Variants in NECAP2 observed in about 807,000 individuals in gnomAD.
NECAP2 encodes adaptin ear-binding coat-associated protein 2.
In NECAP2, 38 loss-of-function variants were observed where a neutral mutation model predicts 37.8. The ratio of observed to expected loss-of-function variants is 1.01; its 90% confidence interval spans 0.78 to 1.32. The LOEUF (loss-of-function observed/expected upper bound fraction) is 1.32. NECAP2 is among the 40% of genes most tolerant of loss of function. NECAP2 has a pLI of 0.00. For synonymous variants in NECAP2, 121 were observed against 127.7 expected, an observed-to-expected ratio of 0.95 and a Z score of 0.35; for missense variants, 316 against 334.5, an observed-to-expected ratio of 0.94 and a Z score of 0.43.
intron 1 of NECAP2, among the ~76,000 whole-genome samples, chr1:16,442,606 G>C (rs1194299621): frequency 6.6e-6 from 1 of 152,188 alleles, no homozygotes; most frequent in Non-Finnish European, 1.5e-5. Flanking sequence ...CCTTTTCTTA[G>C]AACTAAAATG....
intron 2 of NECAP2, among the ~76,000 whole-genome samples, chr1:16,446,625 GCCT>G (rs2086767547): frequency 6.6e-6 from 1 of 151,756 alleles, no homozygotes; most frequent in East Asian, 1.9e-4. Flanking sequence ...GCTCACTGCA[GCCT>G]CCAACTCCTG....
chr1:16,450,410 C>T, intron 5 of NECAP2: 1 of 295,046 alleles, frequency 3.4e-6, no homozygotes, highest in Non-Finnish European at 6.7e-6. Flanking sequence ...CTAGAAATAA[C>T]TGGCACAGCT....
At chr1:16,443,795 G>A in intron 2 of NECAP2, 63 bp downstream of exon 2, 1 of 1,315,426 alleles carries the variant, frequency 7.6e-7, no homozygotes, top group Non-Finnish European at 1.1e-6. Context: ...AGGGAGAGGT[G>A]GCCTGGTCTG....
intron 2 of NECAP2, among the ~76,000 whole-genome samples, chr1:16,445,684 G>A (rs575155097): frequency 6.6e-6 from 1 of 152,088 alleles, no homozygotes; most frequent in Non-Finnish European, 1.5e-5. Context: ...CAGGTGGATC[G>A]CTTGAGCCCA....
chr1:16,452,940 G>A (rs1012918583), intron 6 of NECAP2, among the ~76,000 whole-genome samples: 5 of 152,118 alleles, frequency 3.3e-5, no homozygotes, highest in Non-Finnish European at 7.4e-5. Flanking sequence ...CTATCTGGAG[G>A]TCAAGCTTCA....
At chr1:16,441,924 CTG>C (rs894900303) in intron 1 of NECAP2, among the ~76,000 whole-genome samples, 2 of 151,230 alleles carry the variant, frequency 1.3e-5, no homozygotes, top group African/African-American at 4.9e-5. Flanking sequence ...TGTCATCAAA[CTG>C]TGGTTGGACC....
At chr1:16,455,094 A>C (rs1327722534) in intron 6 of NECAP2, among the ~76,000 whole-genome samples, 1 of 152,228 alleles carries the variant, frequency 6.6e-6, no homozygotes, top group Non-Finnish European at 1.5e-5. Context: ...TGAGGGCCCT[A>C]GTTTTATCTG....
intron 7 of NECAP2, among the ~76,000 whole-genome samples, chr1:16,456,899 G>C (rs1176639418): frequency 1.3e-5 from 2 of 152,012 alleles, no homozygotes; most frequent in African/African-American, 4.8e-5. Context: ...ACGGGGTTTT[G>C]CCATGTTGCG....
intron 7 of NECAP2, among the ~76,000 whole-genome samples, chr1:16,458,569 C>T (rs1411461294): frequency 1.3e-5 from 2 of 150,576 alleles, no homozygotes; most frequent in African/African-American, 4.9e-5. Flanking sequence ...CCAGCCTGGG[C>T]GACAGTGAGA....
chr1:16,444,056 G>A (rs928779731), intron 2 of NECAP2, among the ~76,000 whole-genome samples: 37 of 152,324 alleles, frequency 2.4e-4, no homozygotes, highest in African/African-American at 8.7e-4. Flanking sequence ...ACAGGCGGGT[G>A]AGGATGCACA....
chr1:16,448,509 G>T (rs1159061361), intron 4 of NECAP2, among the ~76,000 whole-genome samples: 1 of 152,160 alleles, frequency 6.6e-6, no homozygotes, highest in East Asian at 1.9e-4. Context: ...CTTTTCTGAA[G>T]CTAAGAGACA....
chr1:16,457,670 A>AATAGTGGT (rs1380794112), intron 7 of NECAP2, among the ~76,000 whole-genome samples: 1 of 151,420 alleles, frequency 6.6e-6, no homozygotes, highest in Non-Finnish European at 1.5e-5. Flanking sequence ...TTCTGTTTTT[A>AATAGTGGT]ATAGTGGTAT....
intron 6 of NECAP2, among the ~76,000 whole-genome samples, chr1:16,452,362 G>A (rs2086857863): frequency 6.6e-6 from 1 of 152,028 alleles, no homozygotes; most frequent in Non-Finnish European, 1.5e-5. Context: ...TGAGAGAGAT[G>A]AGTCACAGCA....
At chr1:16,442,282 A>G (rs377266176) in intron 1 of NECAP2, among the ~76,000 whole-genome samples, 82 of 151,860 alleles carry the variant, frequency 5.4e-4, no homozygotes, top group Non-Finnish European at 1.0e-3. Flanking sequence ...CCGGCCCCCT[A>G]TTGGGTCTTT....
intron 5 of NECAP2, chr1:16,451,512 G>A (rs1208874293): frequency 3.3e-6 from 1 of 304,788 alleles, no homozygotes; most frequent in African/African-American, 2.2e-5. Flanking sequence ...CGCGTGAATG[G>A]TTACTTCATA....
intron 6 of NECAP2, among the ~76,000 whole-genome samples, chr1:16,454,985 C>T (rs1439183077): frequency 6.6e-6 from 1 of 152,210 alleles, no homozygotes; most frequent in Non-Finnish European, 1.5e-5. Context: ...TGCACAGTCA[C>T]GTGGCTCATC....
At chr1:16,444,967 G>A (rs1332647594) in intron 2 of NECAP2, among the ~76,000 whole-genome samples, 2 of 151,864 alleles carry the variant, frequency 1.3e-5, no homozygotes, top group African/African-American at 4.8e-5. Context: ...GATTACAGGC[G>A]CCCCCCCACC....
At chr1:16,452,793 G>A (rs1325321990) in intron 6 of NECAP2, among the ~76,000 whole-genome samples, 5 of 143,396 alleles carry the variant, frequency 3.5e-5, no homozygotes, top group African/African-American at 1.3e-4. Flanking sequence ...GCCCCGCCCA[G>A]CCCAGCTTGA....
At chr1:16,454,775 G>A (rs893677888) in intron 6 of NECAP2, among the ~76,000 whole-genome samples, 1 of 152,230 alleles carries the variant, frequency 6.6e-6, no homozygotes, top group African/African-American at 2.4e-5. Flanking sequence ...GCTGATTTAT[G>A]TATAGCACTT....
Sources: allele counts gnomAD v4.1 joint callset (sites outside exome capture counted in the v4.1 genomes callset), GRCh38; gene constraint gnomAD v4.1.1; transcripts MANE v1.5; gene names NCBI Gene and HGNC (gene_info 2026-07-23, HGNC 2026-07-21).